Variants in LSAMP observed in about 807,000 individuals in gnomAD.
The protein encoded by LSAMP is limbic system-associated membrane protein.
A neutral mutation model predicts 38.6 loss-of-function variants in LSAMP; 7 were observed. The ratio of observed to expected loss-of-function variants is 0.18; its 90% CI spans 0.10 to 0.34. The LOEUF (loss-of-function observed/expected upper bound fraction) is 0.34, where lower values mean the gene tolerates loss of function less well. LSAMP is among the 10% of genes least tolerant of loss of function. LSAMP has a pLI of 1.00. For synonymous variants in LSAMP, 154 were observed against 166.8 expected (o/e 0.92, Z 0.59); for missense variants, 313 against 420.0 (o/e 0.75, Z 2.23).
intron 1 of LSAMP, among the ~76,000 whole-genome samples, chr3:116,434,791 C>T (rs1295776438): frequency 4.6e-5 from 7 of 152,170 alleles, no homozygotes; most frequent in Non-Finnish European, 1.0e-4. Context: ...ACCTTGTGAT[C>T]CGCCAGCCTC....
chr3:116,112,096 T>G (rs2107472208), intron 1 of LSAMP, among the ~76,000 whole-genome samples: 1 of 152,368 alleles, frequency 6.6e-6, no homozygotes, highest in East Asian at 1.9e-4. Flanking sequence ...AGGGTAAAGC[T>G]TCTTAGCTGA....
intron 3 of LSAMP, among the ~76,000 whole-genome samples, chr3:115,873,728 T>C (rs369909232): frequency 5.3e-5 from 8 of 152,246 alleles, no homozygotes; most frequent in African/African-American, 1.9e-4. Flanking sequence ...GGTTATAATA[T>C]CAGTTGTGAT....
At chr3:116,151,551 A>G (rs1709610825) in intron 1 of LSAMP, among the ~76,000 whole-genome samples, 1 of 152,090 alleles carries the variant, frequency 6.6e-6, no homozygotes, top group East Asian at 1.9e-4. Flanking sequence ...AAAAATATCT[A>G]TTATGGCTCG....
chr3:115,898,941 T>C (rs1427325310), intron 3 of LSAMP, among the ~76,000 whole-genome samples: 1 of 152,136 alleles, frequency 6.6e-6, no homozygotes, highest in Non-Finnish European at 1.5e-5. Context: ...CAAGGGGCTG[T>C]CATGCAATGA....
At chr3:116,437,005 A>ATGTGTATATATATGTG in intron 1 of LSAMP, among the ~76,000 whole-genome samples, 1 of 149,114 alleles carries the variant, frequency 6.7e-6, no homozygotes, top group Non-Finnish European at 1.5e-5. Context: ...ATATATATAT[A>ATGTGTATATATATGTG]TGTGTATATA....
At chr3:116,214,045 C>T (rs1057261663) in intron 1 of LSAMP, among the ~76,000 whole-genome samples, 1 of 152,102 alleles carries the variant, frequency 6.6e-6, no homozygotes, top group African/African-American at 2.4e-5. Context: ...TGAAAGATAT[C>T]TCATGTTAAG....
intron 1 of LSAMP, among the ~76,000 whole-genome samples, chr3:116,406,131 G>A (rs2048894523): frequency 2.0e-5 from 3 of 151,672 alleles, no homozygotes; most frequent in Non-Finnish European, 4.4e-5. Context: ...AAAATTAAAG[G>A]TCAACAAACA....
intron 2 of LSAMP, among the ~76,000 whole-genome samples, chr3:116,054,530 G>C (rs917489393): frequency 6.6e-6 from 1 of 152,078 alleles, no homozygotes; most frequent in Non-Finnish European, 1.5e-5. Flanking sequence ...CAGTGAAATT[G>C]GTCCTATTCA....
At position 116,388,050 on chromosome 3, in the gene LSAMP, A is replaced by C. The variant is rs190124587; in HGVS notation, c.155+56827T>G. Among the ~76,000 whole-genome samples the C allele has an allele frequency of 8.0e-4, 122 of 152,210 alleles. 1 individual carries two copies. The highest frequency in any genetic ancestry group is 2.8e-3 in the African/African-American group (118 of 41,508). ...ACCTGGGAGGCGGAGCTTGTGTAAA[A>C]ATAAAAGACCATAAGAATATACCCA... On this transcript the variant is annotated intron_variant, in intron 1 of 6. Transcript: ENST00000490035.
intron 1 of LSAMP, among the ~76,000 whole-genome samples, chr3:116,196,019 ATAGT>A (rs758468060): frequency 7.3e-4 from 111 of 152,342 alleles, no homozygotes; most frequent in Middle Eastern, 3.4e-3. Context: ...TAATTGTTTG[ATAGT>A]TAGTGCAAAG....
chr3:116,036,751 G>C (rs922315035), intron 2 of LSAMP, among the ~76,000 whole-genome samples: 1 of 152,160 alleles, frequency 6.6e-6, no homozygotes, highest in African/African-American at 2.4e-5. Context: ...CTCATCAATA[G>C]AGTCACAACT....
At chr3:116,375,743 A>C (rs1326585063) in intron 1 of LSAMP, among the ~76,000 whole-genome samples, 1 of 152,000 alleles carries the variant, frequency 6.6e-6, no homozygotes, top group African/African-American at 2.4e-5. Flanking sequence ...AATGTTGAAA[A>C]GAAACTGAAC....
At chr3:116,301,466 G>GT (rs1051356346) in intron 1 of LSAMP, among the ~76,000 whole-genome samples, 60 of 152,316 alleles carry the variant, frequency 3.9e-4, no homozygotes, top group Admixed American at 3.6e-3. Context: ...ATAGAAGATT[G>GT]TAGCAATAAC....
At chr3:116,166,156 T>C (rs1180084788) in intron 1 of LSAMP, among the ~76,000 whole-genome samples, 4 of 152,212 alleles carry the variant, frequency 2.6e-5, no homozygotes, top group African/African-American at 4.8e-5. Flanking sequence ...ATTGATGTAG[T>C]AGTAAATACT....
intron 1 of LSAMP, among the ~76,000 whole-genome samples, chr3:116,288,412 CCCATCATGA>C (rs1342148280): frequency 6.6e-6 from 1 of 152,162 alleles, no homozygotes; most frequent in Non-Finnish European, 1.5e-5. Context: ...TGCCTGCTCC[CCCATCATGA>C]CCATTACAAG....
intron 1 of LSAMP, among the ~76,000 whole-genome samples, chr3:116,260,751 C>T (rs1008481092): frequency 1.3e-5 from 2 of 152,146 alleles, no homozygotes; most frequent in African/African-American, 4.8e-5. Flanking sequence ...CTACGTGAGG[C>T]TTAGAGGGGA....
intron 1 of LSAMP, among the ~76,000 whole-genome samples, chr3:116,356,023 C>A (rs1437780614): frequency 6.6e-6 from 1 of 152,046 alleles, no homozygotes; most frequent in Non-Finnish European, 1.5e-5. Context: ...TTCAGAGGTT[C>A]CTCAAAAAAC....
intron 2 of LSAMP, among the ~76,000 whole-genome samples, chr3:116,052,688 C>T (rs755999857): frequency 1.1e-4 from 17 of 152,194 alleles, no homozygotes; most frequent in Non-Finnish European, 2.2e-4. Flanking sequence ...AGTTCCCAGG[C>T]ATTTGGGCTC....
At chr3:116,100,695 T>C (rs1485772474) in intron 1 of LSAMP, among the ~76,000 whole-genome samples, 1 of 152,184 alleles carries the variant, frequency 6.6e-6, no homozygotes, top group South Asian at 2.1e-4. Context: ...GATCATGTAC[T>C]CATCTTATTT....
Sources: gnomAD v4.1 joint callset for allele counts (sites outside exome capture counted in the v4.1 genomes callset) on GRCh38, gnomAD v4.1.1 for gene constraint, MANE v1.5 for transcripts, NCBI Gene and HGNC (gene_info 2026-07-23, HGNC 2026-07-21) for gene names.